C18orf54: variants seen among roughly 807,000 people sequenced by gnomAD.
C18orf54 encodes the protein chromosome 18 open reading frame 54, also known as lung adenoma susceptibility protein 2.
Under a neutral mutation model 49.3 loss-of-function variants are expected in C18orf54, and 49 were observed. The ratio of observed to expected loss-of-function variants is 0.99; its 90% CI spans 0.79 to 1.26. C18orf54 has a LOEUF of 1.26. Ranked by LOEUF, C18orf54 falls within the 50% of genes most tolerant of loss-of-function variation. C18orf54 has a pLI of 0.00. For missense variants in C18orf54, 687 were observed against 620.6 expected, an observed-to-expected ratio of 1.11 and a Z score of -1.14; for synonymous variants, 211 against 216.6, an observed-to-expected ratio of 0.97 and a Z score of 0.23.
Position 54,361,713 on chromosome 18 carries a change from A to G in C18orf54, c.354A>G (p.Ile118Met), listed in dbSNP as rs1267980240. ...GTAGAAGACACACCGTTAATGACAT[A>G]GACTCCATGAGCCTAACAACTGATG... ...ISCRRHTVNDIDSMSLTTDDL... is the reference protein window; with the variant it reads ...ISCRRHTVNDMDSMSLTTDDL... Residue 118 changes from isoleucine to methionine, a missense_variant, in exon 4 of 9, where the codon ATA becomes ATG. Physicochemically the swap from Ile to Met is conservative, Grantham distance 10. Transcript: ENST00000620105. The G allele has an allele frequency of 1.9e-6, 3 of 1,613,906 alleles. No homozygotes were observed. Among genetic ancestry groups the G allele is most frequent in the African/African-American group, 1.3e-5 (1 of 74,934 alleles).
intron 8 of C18orf54, among the ~76,000 whole-genome samples, 180 bp downstream of exon 8, chr18:54,374,464 A>T (rs774019822): frequency 1.1e-4 from 17 of 151,914 alleles, no homozygotes; most frequent in South Asian, 1.0e-3. Context: ...GCTTTTTCCT[A>T]TTCAAAGTGT....
At chr18:54,372,417 C>G (rs2089501663) in intron 6 of C18orf54, 49 bp from the exon 7 acceptor site, 1 of 1,395,778 alleles carries the variant, frequency 7.2e-7, no homozygotes, top group East Asian at 2.6e-5. Flanking sequence ...ACTCTTCTTT[C>G]CCTGAGCTTG....
At position 54,381,762 on chromosome 18, in the gene C18orf54, A is replaced by G. The variant is rs2089677848; in HGVS notation, c.*3516A>G. ...GGCTTTTCTTTTTCCTCCCCCTGTC[A>G]TTCATTTAGCTGTTATATTTCATTT... On this transcript the variant is annotated 3_prime_UTR_variant, in exon 9 of 9. Transcript: ENST00000620105. 1 of 151,994 alleles carries G rather than the reference A, an allele frequency of 6.6e-6. No individual in the cohort carries two copies. The highest frequency in any genetic ancestry group is 2.4e-5 in the African/African-American group (1 of 41,370). 9.4% of individuals were successfully genotyped at this position (151,994 alleles called of 1,614,324 possible). A position where few individuals can be genotyped will look rare whatever the true frequency, so the allele number is the denominator to read the frequency against.
At chr18:54,371,062 A>G (rs747147623) in intron 6 of C18orf54, among the ~76,000 whole-genome samples, 10 of 151,924 alleles carry the variant, frequency 6.6e-5, no homozygotes, top group South Asian at 4.1e-4. Flanking sequence ...GTACCTTCAC[A>G]TTGTGTGTAG....
chr18:54,366,429 A>G (rs1770442845), intron 6 of C18orf54, among the ~76,000 whole-genome samples: 1 of 152,038 alleles, frequency 6.6e-6, no homozygotes. Flanking sequence ...AATGTCTTCC[A>G]GAGTCATACA....
Position 54,372,491 on chromosome 18 carries a change from A to C in C18orf54, c.1352A>C (p.His451Pro), listed in dbSNP as rs1365411096. Residue 451 changes from histidine to proline, a missense_variant, in exon 7 of 9, where the codon CAT becomes CCT. Coordinates refer to ENST00000620105, the MANE Select transcript of C18orf54 (RefSeq NM_001288980.2). ...AGCTGTACTCTCTCTGGAGGCAAAC[A>C]TCATGGTCCTGTTGAAGCCCTGAAA... ...NQSCTLSGGK[H>P]HGPVEALKQM... 4.3e-6 allele frequency: 7 copies of C among 1,610,086 alleles called. No individual in the cohort carries two copies. Among genetic ancestry groups the C allele is most frequent in the Non-Finnish European group, 5.9e-6 (7 of 1,177,666 alleles).
At chr18:54,377,783 C>T (rs1044253915) in intron 8 of C18orf54, among the ~76,000 whole-genome samples, 1 of 152,082 alleles carries the variant, frequency 6.6e-6, no homozygotes, top group Non-Finnish European at 1.5e-5. Context: ...TATTTTACTT[C>T]TTAACTAATA....
At chr18:54,376,749 G>T (rs4581772) in intron 8 of C18orf54, among the ~76,000 whole-genome samples, 112,112 of 152,182 alleles carry the variant, frequency 0.74, 41,784 homozygotes, top group African/African-American at 0.86. Context: ...GCCAAAAAAG[G>T]TGAGAGAATT....
intron 5 of C18orf54, among the ~76,000 whole-genome samples, chr18:54,363,627 A>G (rs1209402264): frequency 6.6e-6 from 1 of 152,014 alleles, no homozygotes; most frequent in Admixed American, 6.6e-5. Context: ...GAAGTTACAA[A>G]TTTCTTATCA....
intron 3 of C18orf54, 61 bp downstream of exon 3, chr18:54,360,916 C>CTGTA: frequency 1.4e-6 from 2 of 1,453,074 alleles, no homozygotes; most frequent in Non-Finnish European, 1.9e-6. Context: ...GGGAGATGTA[C>CTGTA]TGTAGTATTG....
At position 54,360,744 on chromosome 18, in the gene C18orf54, G is replaced by T. The variant is rs1265391939; in HGVS notation, c.172G>T (p.Asp58Tyr). 3 of 1,613,990 alleles carry T rather than the reference G, an allele frequency of 1.9e-6. No individual in the cohort carries two copies. The highest frequency in any genetic ancestry group is 1.7e-6 in the Non-Finnish European group (2 of 1,179,910). ...TCAAGCTCTACAGGCTTATATTGAT[G>T]ATTTTGATCTAGGCCAAATATATCC... ...ASQALQAYID[D>Y]FDLGQIYPGA... Residue 58 changes from aspartate to tyrosine, a missense_variant, in exon 3 of 9, where the codon GAT becomes TAT. Physicochemically the swap from Asp to Tyr is radical, Grantham distance 160. Transcript: ENST00000620105.
At chr18:54,367,783 A>C (rs1359742383) in intron 6 of C18orf54, among the ~76,000 whole-genome samples, 1 of 152,090 alleles carries the variant, frequency 6.6e-6, no homozygotes, top group Non-Finnish European at 1.5e-5. Context: ...TGATTTCATT[A>C]GGTTTTCTGT....
At chr18:54,370,753 G>T (rs2089471935) in intron 6 of C18orf54, among the ~76,000 whole-genome samples, 1 of 152,078 alleles carries the variant, frequency 6.6e-6, no homozygotes, top group African/African-American at 2.4e-5. Context: ...TCTGACCACT[G>T]CTTTGCATGA....
In C18orf54 at chr18:54,362,206, T is replaced by C; in HGVS notation, c.847T>C (p.Phe283Leu). 6.5e-7 allele frequency: 1 copy of C among 1,536,290 alleles called. No individual in the cohort carries two copies. The highest frequency in any genetic ancestry group is 8.7e-7 in the Non-Finnish European group (1 of 1,146,900). Residue 283 changes from phenylalanine (F) to leucine (L), a missense_variant, in exon 4 of 9, where the codon TTT (phenylalanine) becomes CTT (leucine). By Grantham distance (22) the Phe-to-Leu change is conservative. Coordinates refer to ENST00000620105, the MANE Select transcript of C18orf54 (RefSeq NM_001288980.2). ...AAATAGTCAAAGGGTTTATCAGATA[T>C]TTAAAGATGATCAGTGTTCCCCTAG... ...DANSQRVYQI[F>L]KDDQCSPRHS...
intron 5 of C18orf54, chr18:54,363,972 CAG>C (rs2089326119): frequency 6.6e-6 from 1 of 152,066 alleles, no homozygotes; most frequent in African/African-American, 2.4e-5. Context: ...ACGTCTGCTT[CAG>C]GGTTATTGTG....
In C18orf54 at chr18:54,362,795, T is replaced by A. The variant is rs750355302; in HGVS notation, c.1097T>A (p.Leu366Ter). 6.8e-6 allele frequency: 11 copies of A among 1,607,076 alleles called. No individual in the cohort carries two copies. The highest frequency in any genetic ancestry group is 8.5e-6 in the Non-Finnish European group (10 of 1,178,544). Residue 366 changes from leucine (L) to a stop codon, truncating the protein, a stop_gained, in exon 5 of 9, where the codon TTG becomes TAG. Coordinates refer to ENST00000620105, the MANE Select transcript of C18orf54 (RefSeq NM_001288980.2). LOFTEE classifies it high-confidence loss of function. ...GGTGACAAAATTGAATTGCTTATCT[T>A]GAAGGCCAAGAGAAATCTAGAGCAG... ...FSGDKIELLI[L>*]KAKRNLEQCT...
rs150266904 is a variant in C18orf54, at chr18:54,361,731, A to G, written c.372A>G (p.Thr124=). The change falls in exon 4 of 9, where the codon ACA becomes ACG. Residue 124 remains threonine, a synonymous_variant. Coordinates refer to ENST00000620105, the MANE Select transcript of C18orf54 (RefSeq NM_001288980.2). The part of the protein sequence containing the change: ...TVNDIDSMSL[T]TDDLLRLPAD... ...ATGACATAGACTCCATGAGCCTAAC[A>G]ACTGATGATCTATTAAGACTCCCAG... The G allele has an allele frequency of 4.7e-5, 76 of 1,614,066 alleles. No individual in the cohort carries two copies. Among genetic ancestry groups the G allele is most frequent in the South Asian group, 6.6e-5 (6 of 91,082 alleles).
At position 54,367,440 on chromosome 18, in the gene C18orf54, G is replaced by T. The variant is rs78078310; in HGVS notation, c.1326+1619G>T. 1.5e-3 allele frequency among the ~76,000 whole-genome samples: 223 copies of T among 152,138 alleles called. 3 individuals carry two copies. Among genetic ancestry groups the T allele is most frequent in the Middle Eastern group, 0.014 (4 of 294 alleles). On this transcript the variant is annotated intron_variant, in intron 6 of 8. Coordinates refer to ENST00000620105, the MANE Select transcript of C18orf54 (RefSeq NM_001288980.2). ...AGTAGTGGTGAATTCTGTTGGTCTT[G>T]GTTATGTAAGAAAGAGTTTATTTCT... is the stretch of plus-strand genomic sequence containing the variant.
chr18:54,360,960 A>T (rs2089257552), intron 3 of C18orf54, 105 bp downstream of exon 3: 1 of 1,104,976 alleles, frequency 9.0e-7, no homozygotes. Context: ...ACTTTGGAGT[A>T]AAAATAACAT....
Sources: allele counts gnomAD v4.1 joint callset (sites outside exome capture counted in the v4.1 genomes callset), GRCh38; gene constraint gnomAD v4.1.1; transcripts MANE v1.5; gene names NCBI Gene and HGNC (gene_info 2026-07-23, HGNC 2026-07-21).